The following RAB38 variants were observed in gnomAD, a reference collection of about 807,000 sequenced individuals.
RAB38 encodes the protein ras-related protein Rab-38.
In RAB38, 15 loss-of-function variants were observed where a neutral mutation model predicts 18.4. The ratio of observed to expected loss-of-function variants is 0.82; its 90% CI spans 0.55 to 1.26. The LOEUF is 1.26. RAB38 is among the 50% of genes most tolerant of loss of function. The pLI is 0.00. For missense variants in RAB38, 294 were observed against 267.4 expected, an observed-to-expected ratio of 1.10 and a Z score of -0.69; for synonymous variants, 101 against 104.4, an observed-to-expected ratio of 0.97 and a Z score of 0.20.
the RAB38 span, among the ~76,000 whole-genome samples, chr11:87,947,491 A>G: frequency 2.0e-5 from 3 of 152,140 alleles, no homozygotes; most frequent in Middle Eastern, 3.2e-3. Context: ...GGTATTGCCT[A>G]GGGTTTCTTC....
At chr11:87,862,932 A>C in the RAB38 span, among the ~76,000 whole-genome samples, 1 of 151,910 alleles carries the variant, frequency 6.6e-6, no homozygotes, top group African/African-American at 2.4e-5. Context: ...TGTAAAGCAC[A>C]TATTTTTAAA....
the RAB38 span, among the ~76,000 whole-genome samples, chr11:88,020,395 GATGAT>G: frequency 6.6e-6 from 1 of 152,168 alleles, no homozygotes; most frequent in African/African-American, 2.4e-5. Context: ...AATTCAGCAA[GATGAT>G]ATGATAATTA....
chr11:87,862,239 G>C, the RAB38 span, among the ~76,000 whole-genome samples: 40 of 152,010 alleles, frequency 2.6e-4, no homozygotes, highest in African/African-American at 8.9e-4. Context: ...ATTCACAATA[G>C]CAAAGACATA....
the RAB38 span, among the ~76,000 whole-genome samples, chr11:88,045,647 C>T: frequency 2.6e-5 from 4 of 152,214 alleles, no homozygotes; most frequent in African/African-American, 9.6e-5. Flanking sequence ...ATCTTCTTGG[C>T]TTAGCGGCTG....
the RAB38 span, among the ~76,000 whole-genome samples, chr11:87,825,384 C>G: frequency 3.3e-5 from 5 of 152,090 alleles, no homozygotes; most frequent in African/African-American, 9.7e-5. Flanking sequence ...TATCTTTTCT[C>G]ACAGTATTGG....
chr11:87,857,694 T>C, the RAB38 span, among the ~76,000 whole-genome samples: 9 of 151,806 alleles, frequency 5.9e-5, no homozygotes, highest in South Asian at 4.2e-4. Flanking sequence ...ATCCTTCACC[T>C]ACTTTTTGAT....
At chr11:87,885,797 A>C in the RAB38 span, among the ~76,000 whole-genome samples, 21 of 152,092 alleles carry the variant, frequency 1.4e-4, no homozygotes, top group Middle Eastern at 3.4e-3. Flanking sequence ...CTAGCATGGG[A>C]ATTTTTTAAA....
chr11:87,888,798 C>T, the RAB38 span, among the ~76,000 whole-genome samples: 7 of 151,872 alleles, frequency 4.6e-5, no homozygotes, highest in African/African-American at 1.4e-4. Flanking sequence ...GCCAATTTCT[C>T]ACACACGTAG....
chr11:88,070,010 G>T, the RAB38 span, among the ~76,000 whole-genome samples: 1 of 152,194 alleles, frequency 6.6e-6, no homozygotes, highest in Non-Finnish European at 1.5e-5. Context: ...GTCAGATAAG[G>T]GAATAAAAGC....
chr11:88,042,910 A>G, the RAB38 span, among the ~76,000 whole-genome samples: 1 of 152,228 alleles, frequency 6.6e-6, no homozygotes, highest in Non-Finnish European at 1.5e-5. Flanking sequence ...AGAGGGTAAT[A>G]TAAGAAAATT....
At chr11:87,956,514 G>A in the RAB38 span, among the ~76,000 whole-genome samples, 1 of 152,090 alleles carries the variant, frequency 6.6e-6, no homozygotes, top group African/African-American at 2.4e-5. Flanking sequence ...TGGTCTCTCA[G>A]ATGCCATAGT....
intron 2 of RAB38, among the ~76,000 whole-genome samples, chr11:88,147,463 T>A (rs1289383381): frequency 6.6e-6 from 1 of 151,942 alleles, no homozygotes; most frequent in Non-Finnish European, 1.5e-5. Flanking sequence ...GAGAGTGACA[T>A]TTTTTGAAAG....
chr11:87,837,752 A>G, the RAB38 span, among the ~76,000 whole-genome samples: 1 of 152,212 alleles, frequency 6.6e-6, no homozygotes, highest in South Asian at 2.1e-4. Flanking sequence ...AGTCACACAG[A>G]TAGTGTTCCT....
At chr11:88,129,644 AAAACAAAC>A (rs373805516) in intron 2 of RAB38, among the ~76,000 whole-genome samples, 2 of 152,040 alleles carry the variant, frequency 1.3e-5, no homozygotes, top group African/African-American at 2.4e-5. Flanking sequence ...ACTCCATCTC[AAAACAAAC>A]AAACAAACAA....
At chr11:88,070,732 C>T in the RAB38 span, among the ~76,000 whole-genome samples, 9 of 152,132 alleles carry the variant, frequency 5.9e-5, no homozygotes, top group Non-Finnish European at 2.9e-5. Flanking sequence ...TGCTGAAAGA[C>T]AATGTTGTTC....
At chr11:87,866,423 C>T in the RAB38 span, among the ~76,000 whole-genome samples, 1 of 151,832 alleles carries the variant, frequency 6.6e-6, no homozygotes, top group East Asian at 2.0e-4. Context: ...ATTCACTTCT[C>T]TTTATAAACA....
chr11:87,875,467 G>A, the RAB38 span, among the ~76,000 whole-genome samples: 1 of 151,300 alleles, frequency 6.6e-6, no homozygotes, highest in Non-Finnish European at 1.5e-5. Flanking sequence ...TTTATCTGGG[G>A]TATGTCCATA....
At chr11:87,950,350 CTG>C in the RAB38 span, among the ~76,000 whole-genome samples, 6 of 152,176 alleles carry the variant, frequency 3.9e-5, no homozygotes, top group Non-Finnish European at 1.5e-5. Flanking sequence ...ATTTGCCAGT[CTG>C]TGTCTTTTAA....
the RAB38 span, among the ~76,000 whole-genome samples, chr11:87,833,050 G>C: frequency 6.6e-6 from 1 of 152,098 alleles, no homozygotes. Context: ...GACTGTTCCC[G>C]TGGACTTCTA....
Sources: allele counts gnomAD v4.1 joint callset (sites outside exome capture counted in the v4.1 genomes callset), GRCh38; gene constraint gnomAD v4.1.1; transcripts MANE v1.5; gene names NCBI Gene and HGNC (gene_info 2026-07-23, HGNC 2026-07-21).